The following SYT17 variants were observed in gnomAD, a reference collection of about 807,000 sequenced individuals.
The protein encoded by SYT17 is synaptotagmin 17, also known as synaptotagmin-17.
A neutral mutation model predicts 46.7 loss-of-function variants in SYT17; 22 were observed. The ratio of observed to expected loss-of-function variants is 0.47; its 90% confidence interval spans 0.34 to 0.67. The LOEUF (loss-of-function observed/expected upper bound fraction) is 0.67, where lower values mean the gene tolerates loss of function less well. Among genes scored for constraint, SYT17 ranks in the 30% least tolerant of loss-of-function variants. SYT17 has a pLI of 0.01. For synonymous variants in SYT17, 251 were observed against 248.4 expected (o/e 1.01, Z -0.10); for missense variants, 519 against 612.8 (o/e 0.85, Z 1.62).
At chr16:19,197,361 T>G (rs898764047) in intron 5 of SYT17, among the ~76,000 whole-genome samples, 3 of 152,200 alleles carry the variant, frequency 2.0e-5, no homozygotes, top group Admixed American at 6.5e-5. Flanking sequence ...ACTTTTTTGT[T>G]TGTTTTGATT....
At chr16:19,171,315 TGATGATG>T (rs371025722) in intron 1 of SYT17, 47,788 of 163,300 alleles carry the variant, frequency 0.29, 8,228 homozygotes, top group African/African-American at 0.45. Flanking sequence ...ATGATGATGA[TGATGATG>T]ATGATTATGA....
At chr16:19,215,955 G>C (rs1193446262) in intron 5 of SYT17, among the ~76,000 whole-genome samples, 1 of 152,110 alleles carries the variant, frequency 6.6e-6, no homozygotes, top group East Asian at 1.9e-4. Context: ...CTCTTTTTAA[G>C]ACCATCAGAT....
intron 7 of SYT17, among the ~76,000 whole-genome samples, chr16:19,225,411 G>A (rs895370723): frequency 6.6e-6 from 1 of 152,130 alleles, no homozygotes; most frequent in African/African-American, 2.4e-5. Context: ...TTTTTCCAGG[G>A]TGTAATCTAA....
chr16:19,180,417 A>T lies in SYT17; in HGVS notation c.209A>T (p.Asp70Val). Residue 70 changes from aspartate to valine, a missense_variant, in exon 4 of 8, where the codon GAT (aspartate) becomes GTT (valine). By Grantham distance (152) the Asp-to-Val change is radical. Coordinates refer to ENST00000355377, the MANE Select transcript of SYT17 (RefSeq NM_016524.4). ...WLMASRSSDK[D>V]GDSVHTASEV... ...ATGGCCAGCCGGAGCAGTGACAAGGATGGTGACTCTGTCCACACGGCCAGC... is the reference window on the plus strand; with the variant it reads ...ATGGCCAGCCGGAGCAGTGACAAGGTTGGTGACTCTGTCCACACGGCCAGC... 1 of 1,614,180 alleles carries T rather than the reference A, an allele frequency of 6.2e-7. No individual in the cohort carries two copies. The highest frequency in any genetic ancestry group is 8.5e-7 in the Non-Finnish European group (1 of 1,180,024).
At chr16:19,184,670 T>A (rs1392465911) in intron 5 of SYT17, among the ~76,000 whole-genome samples, 6 of 152,122 alleles carry the variant, frequency 3.9e-5, no homozygotes, top group Admixed American at 6.6e-5. Flanking sequence ...CATGTGTGTG[T>A]CTTTCTGTGA....
intron 5 of SYT17, among the ~76,000 whole-genome samples, chr16:19,184,481 G>A (rs971796250): frequency 4.6e-5 from 7 of 151,832 alleles, no homozygotes; most frequent in Admixed American, 4.6e-4. Context: ...CACCTCCCAG[G>A]TTCACGCCAT....
chr16:19,249,206 G>A (rs192309380), intron 7 of SYT17, among the ~76,000 whole-genome samples: 34 of 152,172 alleles, frequency 2.2e-4, no homozygotes, highest in Admixed American at 8.5e-4. Context: ...CCCAGAAGGC[G>A]GAGCTTGCAG....
chr16:19,184,064 A>C lies in SYT17; in HGVS notation c.868A>C (p.Ile290Leu). 6.2e-7 allele frequency: 1 copy of C among 1,614,210 alleles called. No individual in the cohort carries two copies. The highest frequency in any genetic ancestry group is 8.5e-7 in the Non-Finnish European group (1 of 1,180,044). ...TGATAAGTTCTCCCGCCACTGTGTC[A>C]TTGGGAAAGTTTCTGTGCCTTTGTG... ...DFDKFSRHCVIGKVSVPLCEV... is the reference protein window; with the variant it reads ...DFDKFSRHCVLGKVSVPLCEV... Residue 290 changes from isoleucine (I) to leucine (L), a missense_variant, in exon 5 of 8, where the codon ATT becomes CTT. Physicochemically the swap from Ile to Leu is conservative, Grantham distance 5. Transcript: ENST00000355377.
chr16:19,244,075 C>T (rs1967346496), intron 7 of SYT17, among the ~76,000 whole-genome samples: 1 of 152,136 alleles, frequency 6.6e-6, no homozygotes, highest in African/African-American at 2.4e-5. Context: ...AAATAGCCAA[C>T]ATTTATTAAA....
intron 7 of SYT17, among the ~76,000 whole-genome samples, chr16:19,234,525 C>G (rs1029807732): frequency 7.2e-5 from 11 of 152,038 alleles, no homozygotes; most frequent in African/African-American, 2.7e-4. Flanking sequence ...TTAGAAAGTG[C>G]CTTGTACAGT....
chr16:19,214,216 C>G (rs1448805663), intron 5 of SYT17, among the ~76,000 whole-genome samples: 1 of 152,192 alleles, frequency 6.6e-6, no homozygotes, highest in Admixed American at 6.5e-5. Flanking sequence ...CTGTAAAGAT[C>G]ACCATTAATT....
chr16:19,240,922 A>G (rs1425634166), intron 7 of SYT17, among the ~76,000 whole-genome samples: 1 of 149,234 alleles, frequency 6.7e-6, no homozygotes, highest in Non-Finnish European at 1.5e-5. Context: ...CCAGGCTGCC[A>G]CAGCACCTAG....
intron 7 of SYT17, among the ~76,000 whole-genome samples, chr16:19,234,593 A>G (rs1353269051): frequency 6.6e-6 from 1 of 152,218 alleles, no homozygotes; most frequent in Non-Finnish European, 1.5e-5. Context: ...GGACCCTGCC[A>G]TAGAAGAGCA....
intron 7 of SYT17, among the ~76,000 whole-genome samples, chr16:19,249,757 A>G (rs1352968520): frequency 6.6e-6 from 1 of 152,138 alleles, no homozygotes; most frequent in Non-Finnish European, 1.5e-5. Flanking sequence ...TGGGTAGACA[A>G]AATATGAAGG....
chr16:19,266,348 C>A (rs1969353430), intron 7 of SYT17, among the ~76,000 whole-genome samples: 1 of 152,250 alleles, frequency 6.6e-6, no homozygotes, highest in South Asian at 2.1e-4. Context: ...CTACCAGCTT[C>A]TAGTACGTAG....
chr16:19,215,919 CAGAG>C (rs1212963380), intron 5 of SYT17, among the ~76,000 whole-genome samples: 1 of 152,114 alleles, frequency 6.6e-6, no homozygotes, highest in East Asian at 1.9e-4. Context: ...AGCAGGCAAA[CAGAG>C]AGAACTTGTG....
At chr16:19,244,809 G>C (rs1057379891) in intron 7 of SYT17, among the ~76,000 whole-genome samples, 1 of 152,240 alleles carries the variant, frequency 6.6e-6, no homozygotes, top group Non-Finnish European at 1.5e-5. Flanking sequence ...GCTGAGGACT[G>C]CATGGGAACT....
intron 7 of SYT17, among the ~76,000 whole-genome samples, chr16:19,234,559 T>G (rs1966817359): frequency 6.6e-6 from 1 of 152,170 alleles, no homozygotes; most frequent in Admixed American, 6.5e-5. Flanking sequence ...ATGTGAAATA[T>G]GATTGATGAT....
chr16:19,233,733 CAGAGA>C (rs917104710), intron 7 of SYT17, among the ~76,000 whole-genome samples: 11 of 152,182 alleles, frequency 7.2e-5, no homozygotes, highest in Admixed American at 6.5e-4. Flanking sequence ...GGGTCTCCAG[CAGAGA>C]AGAGAAAAGG....
Sources: allele counts gnomAD v4.1 joint callset (sites outside exome capture counted in the v4.1 genomes callset), GRCh38; gene constraint gnomAD v4.1.1; transcripts MANE v1.5; gene names NCBI Gene and HGNC (gene_info 2026-07-23, HGNC 2026-07-21).